The following ZFYVE26 variants were observed in gnomAD, a reference collection of about 807,000 sequenced individuals.
ZFYVE26 encodes zinc finger FYVE domain-containing protein 26.
Under a neutral mutation model 276.5 loss-of-function variants are expected in ZFYVE26, and 181 were observed. The observed-to-expected ratio is 0.65, with a 90% confidence interval of 0.58 to 0.74. The LOEUF (loss-of-function observed/expected upper bound fraction) is 0.74, where lower values mean the gene tolerates loss of function less well. ZFYVE26 is among the 30% of genes least tolerant of loss of function. The pLI is 0.00. For missense variants in ZFYVE26, 2,821 were observed against 3,097.9 expected (o/e 0.91, Z 2.12); for synonymous variants, 1,129 against 1,203.1 (o/e 0.94, Z 1.27).
At chr14:67,806,234 T>C (rs570318064) in intron 6 of ZFYVE26, among the ~76,000 whole-genome samples, 1 of 152,226 alleles carries the variant, frequency 6.6e-6, no homozygotes, top group Non-Finnish European at 1.5e-5. Context: ...AGTAATTAAA[T>C]TCTCCTGTCA....
Position 67,769,616 on chromosome 14 carries a change from A to G in ZFYVE26, c.5599T>C (p.Cys1867Arg), listed in dbSNP as rs1472017304. ...CACTCTTTGTTGCAGTAACTATAGC[A>G]CTGATCACACACACGAGCAGGGTTC... ...RENPARVCDQ[C>R]YSYCNKDVPE... The change falls in exon 29 of 42, where the codon TGC (cysteine) becomes CGC (arginine). Residue 1867 changes from cysteine to arginine, a missense_variant. Transcript: ENST00000347230. The G allele has an allele frequency of 9.9e-6, 16 of 1,613,836 alleles. No homozygotes were observed. Among genetic ancestry groups the G allele is most frequent in the African/African-American group, 1.3e-5 (1 of 74,898 alleles).
rs1346246479 is a variant in ZFYVE26, at chr14:67,747,038, A to G, written c.*1398T>C. On this transcript the variant is annotated 3_prime_UTR_variant, in exon 42 of 42. Coordinates refer to ENST00000347230, the MANE Select transcript of ZFYVE26 (RefSeq NM_015346.4). ...TCCACAGGGTTTCTGAGCACCAGAG[A>G]CACTGACTTCAGCTTCCAGTTTCTG... 2 of 152,750 alleles carry G rather than the reference A, an allele frequency of 1.3e-5. No homozygotes were observed. Among genetic ancestry groups the G allele is most frequent in the East Asian group, 3.9e-4 (2 of 5,182 alleles). The allele number at this position is 152,750 out of a possible 1,614,324, so 9.5% of individuals were successfully genotyped here. A position where few individuals can be genotyped will look rare whatever the true frequency, so the allele number is the denominator to read the frequency against.
At chr14:67,793,539 T>G in intron 14 of ZFYVE26, 69 bp downstream of exon 14, 1 of 1,561,172 alleles carries the variant, frequency 6.4e-7, no homozygotes, top group Non-Finnish European at 8.7e-7. Context: ...GTGGCTCTGG[T>G]TGTACATGCT....
chr14:67,789,276 ACTCT>A (rs1210704824), intron 16 of ZFYVE26, 55 bp downstream of exon 16: 9 of 1,609,120 alleles, frequency 5.6e-6, no homozygotes, highest in Admixed American at 1.7e-5. Context: ...ATTTATCAAG[ACTCT>A]CAGAAACCCA....
chr14:67,768,549 C>T lies in ZFYVE26; in HGVS notation c.5622-1G>A, dbSNP rs779717360. The T allele has an allele frequency of 2.5e-6, 4 of 1,614,100 alleles. No individual in the cohort carries two copies. Among genetic ancestry groups the T allele is most frequent in the Non-Finnish European group, 3.4e-6 (4 of 1,179,970 alleles). ...TTTTTCTGAAGGCTCCTCTGGTACACTGAAAACAGAGAAAGAAAAATTATT... is the reference window on the plus strand; with the variant it reads ...TTTTTCTGAAGGCTCCTCTGGTACATTGAAAACAGAGAAAGAAAAATTATT... On this transcript the variant is annotated splice_acceptor_variant, in intron 29 of 41. Coordinates refer to ENST00000347230, the MANE Select transcript of ZFYVE26 (RefSeq NM_015346.4). LOFTEE classifies it high-confidence loss of function.
intron 14 of ZFYVE26, among the ~76,000 whole-genome samples, chr14:67,793,114 G>A (rs1026537070): frequency 6.6e-6 from 1 of 151,688 alleles, no homozygotes; most frequent in Non-Finnish European, 1.5e-5. Context: ...ACAAAAATTA[G>A]CCTGGTGTGG....
intron 13 of ZFYVE26, among the ~76,000 whole-genome samples, chr14:67,732,556 T>C (rs1312339893): frequency 3.4e-5 from 5 of 145,554 alleles, no homozygotes; most frequent in Non-Finnish European, 6.1e-5. Context: ...AAAAAGACTG[T>C]ACAGAAAGCA....
chr14:67,813,450 T>A (rs1374900509), intron 3 of ZFYVE26, among the ~76,000 whole-genome samples: 1 of 152,180 alleles, frequency 6.6e-6, no homozygotes, highest in Non-Finnish European at 1.5e-5. Context: ...TAATGGAAGT[T>A]TATCTTTAAA....
intron 40 of ZFYVE26, among the ~76,000 whole-genome samples, chr14:67,752,000 G>A (rs529667432): frequency 1.3e-5 from 2 of 152,190 alleles, no homozygotes; most frequent in South Asian, 4.1e-4. Context: ...AAGCCACCAT[G>A]GGAGGACAAT....
chr14:67,763,624 C>T (rs1365240219), intron 32 of ZFYVE26, among the ~76,000 whole-genome samples: 1 of 152,190 alleles, frequency 6.6e-6, no homozygotes, highest in Non-Finnish European at 1.5e-5. Flanking sequence ...GGTGTTTGCA[C>T]AATGACGAAA....
Position 67,798,420 on chromosome 14 carries a change from C to T in ZFYVE26, c.1842G>A (p.Arg614=). Residue 614 remains arginine (R), a synonymous_variant, in exon 11 of 42, where the codon AGG becomes AGA. Transcript: ENST00000347230. ...TGTGCTGAGGGCTCTCTGATGGGGA[C>T]CTCAAACCTGAGGGGCTCTTCCCCT... ...DIEGKSPSGL[R]SPSESPQHIA... The T allele has an allele frequency of 6.2e-7, 1 of 1,613,592 alleles. No individual in the cohort carries two copies. The highest frequency in any genetic ancestry group is 1.1e-5 in the South Asian group (1 of 91,068).
intron 14 of ZFYVE26, among the ~76,000 whole-genome samples, chr14:67,790,983 T>C (rs1216149434): frequency 1.3e-5 from 2 of 152,096 alleles, no homozygotes; most frequent in African/African-American, 2.4e-5. Flanking sequence ...CAGTAGAAAA[T>C]AGGCAAAAGA....
rs1302741707 is a variant in ZFYVE26 at position 67,746,769 on chromosome 14, A to G, written c.*1667T>C. 2 of 152,614 alleles carry G rather than the reference A, an allele frequency of 1.3e-5. No individual in the cohort carries two copies. Among genetic ancestry groups the G allele is most frequent in the East Asian group, 3.9e-4 (2 of 5,188 alleles). The allele number at this position is 152,614 out of a possible 1,614,324, so 9.5% of individuals were successfully genotyped here. A position where few individuals can be genotyped will look rare whatever the true frequency, so the allele number is the denominator to read the frequency against. On this transcript the variant is annotated 3_prime_UTR_variant, in exon 42 of 42. Transcript: ENST00000347230. ...GCTGCAAGATTTGTGACCCATTAGT[A>G]TAAAGTGCTTATGTTCAGTGCAAAA...
At chr14:67,742,054 G>T (rs1467312474), downstream of ZFYVE26, among the ~76,000 whole-genome samples, 1 of 152,228 alleles carries the variant, frequency 6.6e-6, no homozygotes, top group East Asian at 1.9e-4. Flanking sequence ...AGTATGGCTG[G>T]AGAAAATCAC....
chr14:67,799,227 A>G, intron 10 of ZFYVE26: 1 of 1,613,418 alleles, frequency 6.2e-7, no homozygotes, highest in Non-Finnish European at 8.5e-7. Context: ...AAACAGGCCT[A>G]TCTGGACTTC....
chr14:67,808,028 G>T lies in ZFYVE26; in HGVS notation c.364-108C>A, dbSNP rs1392010319. 5 of 1,318,340 alleles carry T rather than the reference G, an allele frequency of 3.8e-6. No individual in the cohort carries two copies. In the East Asian group the frequency reaches 9.3e-5, roughly 25 times the overall value. 81.7% of individuals were successfully genotyped at this position (1,318,340 alleles called of 1,614,324 possible). On this transcript the variant is annotated intron_variant, in intron 4 of 41. Transcript: ENST00000347230. Reference sequence around the variant, plus strand: ...TCAGTTTACTTATATAATAGTGGCGGTAACAAATACTTATGTCGTAGTTAC... The same window carrying T: ...TCAGTTTACTTATATAATAGTGGCGTTAACAAATACTTATGTCGTAGTTAC...
exon 14 of ZFYVE26, chr14:67,729,740 A>T (rs1289883059): frequency 2.0e-6 from 1 of 509,660 alleles, no homozygotes; most frequent in Admixed American, 2.2e-5. Context: ...TTTAAATACC[A>T]ATTAGCACAA....
intron 22 of ZFYVE26, among the ~76,000 whole-genome samples, chr14:67,780,766 C>T (rs1358866326): frequency 6.6e-6 from 1 of 152,128 alleles, no homozygotes; most frequent in Non-Finnish European, 1.5e-5. Flanking sequence ...AACCTTTTTT[C>T]ACCTGTCATT....
At chr14:67,734,122 G>C (rs1377418377) in intron 13 of ZFYVE26, 2 of 350,410 alleles carry the variant, frequency 5.7e-6, no homozygotes, top group Admixed American at 7.6e-5. Flanking sequence ...GCAGATCCCA[G>C]GCTGGGCATG....
Sources: gnomAD v4.1 joint callset for allele counts (sites outside exome capture counted in the v4.1 genomes callset) on GRCh38, gnomAD v4.1.1 for gene constraint, MANE v1.5 for transcripts, NCBI Gene and HGNC (gene_info 2026-07-23, HGNC 2026-07-21) for gene names.